DLG2: variants seen among roughly 807,000 people sequenced by gnomAD.
DLG2 encodes disks large homolog 2.
In DLG2, 45 loss-of-function variants were observed where a neutral mutation model predicts 132.5. The ratio of observed to expected loss-of-function variants is 0.34; its 90% CI spans 0.27 to 0.44. The LOEUF is 0.44. Ranked by LOEUF, DLG2 falls within the 20% of genes least tolerant of loss-of-function variation. The probability of loss-of-function intolerance (pLI) is 1.00; values close to 1 mark genes in which losing one functional copy is unlikely to be tolerated. For synonymous variants in DLG2, 424 were observed against 419.6 expected, an observed-to-expected ratio of 1.01 and a Z score of -0.13; for missense variants, 1,045 against 1,196.9, an observed-to-expected ratio of 0.87 and a Z score of 1.87.
At chr11:85,445,334 T>C (rs968301387) in intron 3 of DLG2, among the ~76,000 whole-genome samples, 3 of 152,170 alleles carry the variant, frequency 2.0e-5, no homozygotes, top group Non-Finnish European at 4.4e-5. Flanking sequence ...CCAGAAGCCA[T>C]ACCTCTGGAG....
At chr11:83,529,533 T>C (rs1414953384) in intron 21 of DLG2, among the ~76,000 whole-genome samples, 1 of 152,104 alleles carries the variant, frequency 6.6e-6, no homozygotes, top group Non-Finnish European at 1.5e-5. Context: ...AAATAGAGAA[T>C]AATTCCCAAT....
At chr11:84,516,126 C>T (rs1053336226) in intron 7 of DLG2, among the ~76,000 whole-genome samples, 6 of 148,692 alleles carry the variant, frequency 4.0e-5, no homozygotes, top group Admixed American at 2.7e-4. Context: ...ATGTCTACAT[C>T]AAAAAAAAAG....
intron 4 of DLG2, among the ~76,000 whole-genome samples, chr11:85,212,816 G>A (rs1269194842): frequency 6.6e-6 from 1 of 152,126 alleles, no homozygotes; most frequent in African/African-American, 2.4e-5. Flanking sequence ...AAGCAACAGG[G>A]AGGTAAGTTG....
Position 85,321,067 on chromosome 11 carries a change from A to G in DLG2, c.41-35702T>C, listed in dbSNP as rs192525846. Among the ~76,000 whole-genome samples, 11 of 152,092 alleles carry G rather than the reference A, an allele frequency of 7.2e-5. No individual in the cohort carries two copies. The East Asian group carries it at 1.9e-3, about 27-fold the overall frequency. The stretch of plus-strand genomic sequence containing the variant: ...TCCAGCTACTGTTTAGGGAATAGGA[A>G]ACTATTGAGCACTCTAGGTAAGAGA... On this transcript the variant is annotated intron_variant, in intron 3 of 27. Coordinates refer to ENST00000376104, the MANE Select transcript of DLG2 (RefSeq NM_001142699.3).
At chr11:84,966,312 T>C (rs2053337686) in intron 6 of DLG2, among the ~76,000 whole-genome samples, 1 of 152,178 alleles carries the variant, frequency 6.6e-6, no homozygotes, top group South Asian at 2.1e-4. Context: ...GCCATTCTGA[T>C]TGCAGCAGGA....
chr11:83,467,097 G>A (rs537261653), intron 25 of DLG2, among the ~76,000 whole-genome samples: 2 of 152,290 alleles, frequency 1.3e-5, no homozygotes, highest in African/African-American at 4.8e-5. Flanking sequence ...AACACACAAA[G>A]ATGACATGCA....
chr11:85,590,213 T>C (rs181297811), intron 3 of DLG2, among the ~76,000 whole-genome samples: 111 of 152,332 alleles, frequency 7.3e-4, no homozygotes, highest in African/African-American at 2.6e-3. Context: ...GAAAGAAATT[T>C]AATGAAGAAC....
intron 6 of DLG2, among the ~76,000 whole-genome samples, chr11:84,875,088 C>CAGAAA (rs2086134163): frequency 6.7e-6 from 1 of 150,050 alleles, no homozygotes; most frequent in Non-Finnish European, 1.5e-5. Flanking sequence ...GCTGATAAGG[C>CAGAAA]AGAAAAGTGA....
At chr11:85,236,818 A>G (rs188425773) in intron 4 of DLG2, among the ~76,000 whole-genome samples, 15 of 152,196 alleles carry the variant, frequency 9.9e-5, no homozygotes, top group African/African-American at 3.6e-4. Context: ...AAGTGGACTG[A>G]GACCTAAGCC....
intron 7 of DLG2, among the ~76,000 whole-genome samples, chr11:84,285,412 G>T (rs2097899694): frequency 6.6e-6 from 1 of 151,992 alleles, no homozygotes; most frequent in Non-Finnish European, 1.5e-5. Context: ...AGCCCCACAG[G>T]CCCTCTTCCA....
At chr11:85,535,534 T>C (rs948144360) in intron 3 of DLG2, among the ~76,000 whole-genome samples, 3 of 152,190 alleles carry the variant, frequency 2.0e-5, no homozygotes, top group Admixed American at 6.5e-5. Context: ...GTATTGCTGA[T>C]GGGATTGCAA....
chr11:83,511,882 T>A (rs576506971), intron 21 of DLG2, among the ~76,000 whole-genome samples: 14 of 152,210 alleles, frequency 9.2e-5, no homozygotes, highest in Admixed American at 9.2e-4. Context: ...TACCATTTCT[T>A]ATGCTGGCTG....
At chr11:85,548,682 C>G (rs2076478774) in intron 3 of DLG2, among the ~76,000 whole-genome samples, 1 of 152,156 alleles carries the variant, frequency 6.6e-6, no homozygotes, top group South Asian at 2.1e-4. Context: ...CAGAGACGCC[C>G]TGTCCAGAGA....
At chr11:83,661,294 T>C (rs2074204286) in intron 18 of DLG2, among the ~76,000 whole-genome samples, 1 of 152,172 alleles carries the variant, frequency 6.6e-6, no homozygotes, top group South Asian at 2.1e-4. Flanking sequence ...ATAATTATTA[T>C]TCAGATAACT....
chr11:83,870,631 C>A (rs2063261136), intron 16 of DLG2, among the ~76,000 whole-genome samples: 1 of 152,180 alleles, frequency 6.6e-6, no homozygotes, highest in African/African-American at 2.4e-5. Flanking sequence ...GGCCAACTCT[C>A]AAACTAGCTC....
At chr11:84,954,558 G>T (rs1453488996) in intron 6 of DLG2, among the ~76,000 whole-genome samples, 1 of 152,138 alleles carries the variant, frequency 6.6e-6, no homozygotes, top group Non-Finnish European at 1.5e-5. Context: ...AGGCTTTATT[G>T]AGCAGAGGTT....
chr11:83,738,161 G>A (rs1363974891), intron 18 of DLG2, among the ~76,000 whole-genome samples: 2 of 152,088 alleles, frequency 1.3e-5, no homozygotes, highest in African/African-American at 4.8e-5. Flanking sequence ...TGTTTTCCAG[G>A]GGGAGTTAAA....
chr11:83,909,633 T>C (rs2075690219), intron 15 of DLG2, among the ~76,000 whole-genome samples: 1 of 152,198 alleles, frequency 6.6e-6, no homozygotes, highest in Non-Finnish European at 1.5e-5. Context: ...ATTACTGATG[T>C]CCATTTCAAA....
intron 4 of DLG2, among the ~76,000 whole-genome samples, chr11:85,190,733 A>G (rs1431360024): frequency 6.6e-6 from 1 of 152,216 alleles, no homozygotes; most frequent in Non-Finnish European, 1.5e-5. Context: ...CCCTATGCAC[A>G]TAAATTAGAA....
Sources: allele counts gnomAD v4.1 joint callset (sites outside exome capture counted in the v4.1 genomes callset), GRCh38; gene constraint gnomAD v4.1.1; transcripts MANE v1.5; gene names NCBI Gene and HGNC (gene_info 2026-07-23, HGNC 2026-07-21).